Variants in MYH10 observed in about 807,000 individuals in gnomAD.
MYH10 encodes myosin-10.
A neutral mutation model predicts 257.8 loss-of-function variants in MYH10; 55 were observed. That is an observed-to-expected ratio of 0.21 (90% CI 0.17 to 0.27). MYH10 has a LOEUF of 0.27. Ranked by LOEUF, MYH10 falls within the 10% of genes least tolerant of loss-of-function variation. The pLI is 1.00. For synonymous variants in MYH10, 854 were observed against 921.7 expected (o/e 0.93, Z 1.33); for missense variants, 1,631 against 2,500.6 (o/e 0.65, Z 7.42).
At chr17:8,599,564 T>A (rs1219788869) in intron 3 of MYH10, among the ~76,000 whole-genome samples, 1 of 152,194 alleles carries the variant, frequency 6.6e-6, no homozygotes, top group Non-Finnish European at 1.5e-5. Context: ...CACTCTCAGC[T>A]GAAACCCTGC....
intron 17 of MYH10, among the ~76,000 whole-genome samples, chr17:8,529,282 C>T (rs2081949206): frequency 6.6e-6 from 1 of 152,178 alleles, no homozygotes; most frequent in Non-Finnish European, 1.5e-5. Context: ...CTCCTCTGTG[C>T]CAGGTGCTGC....
chr17:8,550,654 T>C (rs1283339355), intron 9 of MYH10, among the ~76,000 whole-genome samples: 58 of 152,150 alleles, frequency 3.8e-4, no homozygotes, highest in African/African-American at 1.2e-3. Context: ...CAGCAGCTCA[T>C]TGAGAGCGGG....
At chr17:8,536,928 C>T (rs1451164461) in intron 14 of MYH10, among the ~76,000 whole-genome samples, 3 of 151,888 alleles carry the variant, frequency 2.0e-5, no homozygotes, top group African/African-American at 4.8e-5. Flanking sequence ...GTGATGAAAA[C>T]GTGGCAGGAT....
chr17:8,551,429 A>G (rs1222718440), intron 9 of MYH10, among the ~76,000 whole-genome samples: 2 of 152,166 alleles, frequency 1.3e-5, no homozygotes, highest in South Asian at 2.1e-4. Flanking sequence ...CTACTTTGAT[A>G]TCTAGATAAT....
intron 7 of MYH10, among the ~76,000 whole-genome samples, chr17:8,564,094 C>T (rs2036030): frequency 0.96 from 146,863 of 152,278 alleles, 71,049 homozygotes; most frequent in East Asian, 1. Context: ...CCATCTGGAA[C>T]GCATTTTACT....
intron 7 of MYH10, chr17:8,560,605 G>A: frequency 1.1e-6 from 1 of 904,230 alleles, no homozygotes; most frequent in East Asian, 4.1e-5. Context: ...TGGAGGAAAA[G>A]GATTTGGTTA....
At chr17:8,555,664 T>C (rs1245161673) in intron 7 of MYH10, among the ~76,000 whole-genome samples, 3 of 152,178 alleles carry the variant, frequency 2.0e-5, no homozygotes, top group Non-Finnish European at 2.9e-5. Flanking sequence ...CATACCTAAA[T>C]ACATGGGCTA....
rs866139257 is a variant in MYH10, at chr17:8,576,636, C to T, written c.663+7G>A. 1.9e-6 allele frequency: 3 copies of T among 1,550,324 alleles called. No homozygotes were observed. In the Middle Eastern group the frequency reaches 5.0e-4, roughly 259 times the overall value. ...CAAGACTAAGAAGCATAAAGAAGAG[C>T]ACTTGCCTGGTGTTTCACTGGTTTA... On this transcript the variant is annotated splice_region_variant and intron_variant, in intron 6 of 42. Coordinates refer to ENST00000360416, the MANE Select transcript of MYH10 (RefSeq NM_001256012.3).
intron 2 of MYH10, among the ~76,000 whole-genome samples, chr17:8,616,708 C>G (rs1428706768): frequency 6.6e-6 from 1 of 152,070 alleles, no homozygotes; most frequent in Non-Finnish European, 1.5e-5. Flanking sequence ...CCAAACTGAT[C>G]TACAGAATCA....
chr17:8,519,721 G>C (rs1597722908), intron 19 of MYH10, among the ~76,000 whole-genome samples: 1 of 152,134 alleles, frequency 6.6e-6, no homozygotes, highest in South Asian at 2.1e-4. Flanking sequence ...GGAACAGTGG[G>C]AGAAAGGGCA....
At chr17:8,480,581 C>G (rs1405866027) in intron 38 of MYH10, 56 bp from the exon 39 acceptor site, 5 of 1,594,216 alleles carry the variant, frequency 3.1e-6, no homozygotes, top group Non-Finnish European at 4.2e-6. Context: ...AGCACAGGAG[C>G]CTCAGGGAAG....
At chr17:8,623,905 G>C (rs530909291) in intron 1 of MYH10, among the ~76,000 whole-genome samples, 16 of 152,244 alleles carry the variant, frequency 1.1e-4, no homozygotes, top group Admixed American at 5.2e-4. Flanking sequence ...GCAGCCTTTT[G>C]AATATGTCAT....
intron 26 of MYH10, among the ~76,000 whole-genome samples, chr17:8,508,126 T>G (rs1372553691): frequency 6.6e-6 from 1 of 152,182 alleles, no homozygotes; most frequent in Non-Finnish European, 1.5e-5. Context: ...CTCACTACAG[T>G]GAGCTCCTGG....
In MYH10 at chr17:8,492,289, C is replaced by CG; in HGVS notation, c.4671+7dup. ...GTGCGGAAGTGTGGAGCCCACCAGG[C>CG]GACTTACGTTTTTTCCCACATCATC... On this transcript the variant is annotated splice_region_variant and intron_variant, in intron 34 of 42. Transcript: ENST00000360416. 6.2e-7 allele frequency: 1 copy of CG among 1,610,394 alleles called. No homozygotes were observed. Among genetic ancestry groups the CG allele is most frequent in the Non-Finnish European group, 8.5e-7 (1 of 1,179,644 alleles).
chr17:8,610,002 G>A (rs1353974568), intron 2 of MYH10, among the ~76,000 whole-genome samples: 3 of 151,762 alleles, frequency 2.0e-5, no homozygotes, highest in Non-Finnish European at 4.4e-5. Flanking sequence ...AATGGCACTG[G>A]ACTCACCATT....
rs762670904 is a variant in MYH10, at chr17:8,478,350, C to G, written c.5694G>C (p.Gln1898His). The stretch of plus-strand genomic sequence containing the variant: ...CTTCCTCGCGTACCTGCTCTTTATA[C>G]TGGTCCGCGTGTCGACGCTCATCCT... ...QVEDERRHAD[Q>H]YKEQMEKANA... is the part of the protein sequence containing the mutation. The change falls in exon 41 of 43, where the codon CAG (glutamine) becomes CAC (histidine). Residue 1898 changes from glutamine (Q) to histidine (H), a missense_variant. Gln to His is a conservative substitution (Grantham distance 24). This residue lies in a region of MYH10 where 343 missense variants were observed against 389.5 expected (regional missense o/e 0.88). Transcript: ENST00000360416. 17 of 1,614,192 alleles carry G rather than the reference C, an allele frequency of 1.1e-5. No individual in the cohort carries two copies. The East Asian group carries it at 3.8e-4, about 36-fold the overall frequency.
chr17:8,521,002 A>G lies in MYH10; in HGVS notation c.2152-3T>C, dbSNP rs761758076. 110 of 1,611,214 alleles carry G rather than the reference A, an allele frequency of 6.8e-5. No homozygotes were observed. The highest frequency in any genetic ancestry group is 8.5e-5 in the Non-Finnish European group (100 of 1,177,736). On this transcript the variant is annotated splice_region_variant and splice_polypyrimidine_tract_variant and intron_variant, in intron 18 of 42. Transcript: ENST00000360416. The stretch of plus-strand genomic sequence containing the variant: ...AGGTGTGGATCCAATTTTCCAGCCT[A>G]ATCAAGCAAACAATAGTTTCATGGT...
intron 7 of MYH10, chr17:8,561,562 C>G: frequency 2.1e-6 from 2 of 961,370 alleles, no homozygotes; most frequent in Non-Finnish European, 3.3e-6. Context: ...ATGTCTCCCA[C>G]CAAAGCCCAT....
intron 35 of MYH10, among the ~76,000 whole-genome samples, chr17:8,487,939 A>G (rs905262811): frequency 2.2e-4 from 34 of 152,164 alleles, no homozygotes; most frequent in African/African-American, 8.2e-4. Flanking sequence ...GTAGGCACAG[A>G]GCGGGCATGG....
Sources: allele counts gnomAD v4.1 joint callset (sites outside exome capture counted in the v4.1 genomes callset), GRCh38; gene constraint gnomAD v4.1.1; regional missense constraint gnomAD v4.1.1; transcripts MANE v1.5; gene names NCBI Gene and HGNC (gene_info 2026-07-23, HGNC 2026-07-21).